TRIM21: variants seen among roughly 807,000 people sequenced by gnomAD.
TRIM21 encodes tripartite motif containing 21.
Under a neutral mutation model 36.1 loss-of-function variants are expected in TRIM21, and 35 were observed. The observed-to-expected ratio is 0.97, with a 90% CI of 0.74 to 1.28. The LOEUF is 1.28. TRIM21 is among the 50% of genes most tolerant of loss of function. The pLI, the probability that TRIM21 is intolerant of heterozygous loss-of-function variation, is 0.00. For missense variants in TRIM21, 635 were observed against 570.7 expected (o/e 1.11, Z -1.15); for synonymous variants, 256 against 211.5 (o/e 1.21, Z -1.83).
chr11:4,387,372 C>T (rs2094957393), intron 4 of TRIM21, among the ~76,000 whole-genome samples: 1 of 152,028 alleles, frequency 6.6e-6, no homozygotes, highest in Non-Finnish European at 1.5e-5. Flanking sequence ...GTCCAGAAAC[C>T]ACTCTATTCC....
In TRIM21 at chr11:4,389,670, T is replaced by A. The variant is rs2094960360; in HGVS notation, c.488A>T (p.Lys163Met). 4 of 1,613,946 alleles carry A rather than the reference T, an allele frequency of 2.5e-6. No individual in the cohort carries two copies. In the South Asian group the frequency reaches 4.4e-5, roughly 18 times the overall value. The change falls in exon 3 of 7, where the codon AAG (lysine) becomes ATG (methionine). Residue 163 changes from lysine (K) to methionine (M), a missense_variant. Lys to Met is a moderately conservative substitution (Grantham distance 95, BLOSUM62 -1). Coordinates refer to ENST00000254436, the MANE Select transcript of TRIM21 (RefSeq NM_003141.4). ...AEKLEVEIAI[K>M]RADWKKTVET... ...CATTCTTACCTTCCAGTCTGCTCTC[T>A]TTATTGCAATTTCCACTTCCAACTT...
At chr11:4,393,238 T>C (rs942637526) in intron 1 of TRIM21, among the ~76,000 whole-genome samples, 1 of 152,110 alleles carries the variant, frequency 6.6e-6, no homozygotes, top group African/African-American at 2.4e-5. Context: ...GACACTGGGC[T>C]CCCTACCCTC....
At chr11:4,386,102 C>T (rs937912562) in intron 6 of TRIM21, 55 bp downstream of exon 6, 45 of 1,540,044 alleles carry the variant, frequency 2.9e-5, no homozygotes, top group Non-Finnish European at 3.5e-5. Context: ...GGCTCCCTGA[C>T]CCTGGGATCT....
At position 4,389,801 on chromosome 11, in the gene TRIM21, G is replaced by A; in HGVS notation, c.409-52C>T. On this transcript the variant is annotated intron_variant, in intron 2 of 6. Coordinates refer to ENST00000254436, the MANE Select transcript of TRIM21 (RefSeq NM_003141.4). Reference sequence around the variant, plus strand: ...CCCCATGCAAACCAAGTAATAGGGTGGGGTAATCCTTGCAGCATTTTCTCA... The same window carrying A: ...CCCCATGCAAACCAAGTAATAGGGTAGGGTAATCCTTGCAGCATTTTCTCA... 3.2e-6 allele frequency: 5 copies of A among 1,563,918 alleles called. No individual in the cohort carries two copies. The South Asian group carries it at 4.4e-5, about 14-fold the overall frequency.
Position 4,385,327 on chromosome 11 carries a change from G to A in TRIM21, c.1386C>T (p.Leu462=). ...CTTGTGATCCAATATTCAGTGGACA[G>A]AGGGTTAGAGGGGCTGTGTTTTTTC... ...DGGKNTAPLT[L]CPLNIGSQGS... is the part of the protein sequence containing the mutation. Residue 462 remains leucine (L), a synonymous_variant, in exon 7 of 7, where the codon CTC becomes CTT. Transcript: ENST00000254436. The A allele has an allele frequency of 6.2e-7, 1 of 1,613,428 alleles. No homozygotes were observed. Among genetic ancestry groups the A allele is most frequent in the Non-Finnish European group, 8.5e-7 (1 of 1,179,854 alleles).
At chr11:4,388,618 C>T in intron 3 of TRIM21, 88 bp from the exon 4 acceptor site, 1 of 1,253,792 alleles carries the variant, frequency 8.0e-7, no homozygotes, top group Non-Finnish European at 1.1e-6. Context: ...TTCCTATCCC[C>T]AAGAGACTCC....
At position 4,385,627 on chromosome 11, in the gene TRIM21, A is replaced by G. The variant is rs112534094; in HGVS notation, c.1086T>C (p.Ser362=). Residue 362 remains serine (S), a synonymous_variant, in exon 7 of 7, where the codon TCT becomes TCC. Coordinates refer to ENST00000254436, the MANE Select transcript of TRIM21 (RefSeq NM_003141.4). ...GCAAAAAGTGCCCCTTCCTGCGCAC[A>G]GAGTCTCTGCAGACACCCAGGTCCC... is the stretch of plus-strand genomic sequence containing the variant. ...EAWDLGVCRD[S]VRRKGHFLLS... 11,882 of 1,612,784 alleles carry G rather than the reference A, an allele frequency of 7.4e-3. 57 individuals carry two copies. The highest frequency in any genetic ancestry group is 8.2e-3 in the Non-Finnish European group (9,728 of 1,179,248).
chr11:4,388,940 G>A (rs563912691), intron 3 of TRIM21, among the ~76,000 whole-genome samples: 37 of 152,170 alleles, frequency 2.4e-4, no homozygotes, highest in Admixed American at 1.2e-3. Context: ...CCAGGCTCAC[G>A]CCACCACCTC....
At chr11:4,389,548 CTA>C in intron 3 of TRIM21, 104 bp downstream of exon 3, 1 of 958,280 alleles carries the variant, frequency 1.0e-6, no homozygotes, top group Non-Finnish European at 1.7e-6. Context: ...CGGACCAACT[CTA>C]TCACTGCTCA....
rs1207611095 is a variant in TRIM21, at chr11:4,390,266, G to A, written c.144C>T (p.Gly48=). 4 of 1,613,936 alleles carry A rather than the reference G, an allele frequency of 2.5e-6. No homozygotes were observed. Among genetic ancestry groups the A allele is most frequent in the South Asian group, 1.1e-5 (1 of 91,086 alleles). ...GCTGCCGGCACACAGGACAGACGCT[G>A]CCCCCACCTTTCCCAACCTGAGAGA... ...ECISQVGKGG[G]SVCPVCRQRF... The change falls in exon 2 of 7, where the codon GGC becomes GGT. Residue 48 remains glycine, a synonymous_variant. Coordinates refer to ENST00000254436, the MANE Select transcript of TRIM21 (RefSeq NM_003141.4).
Position 4,385,385 on chromosome 11 carries a change from C to G in TRIM21, c.1328G>C (p.Arg443Pro). The G allele has an allele frequency of 6.2e-7, 1 of 1,613,680 alleles. No homozygotes were observed. The highest frequency in any genetic ancestry group is 8.5e-7 in the Non-Finnish European group (1 of 1,179,812). ...ATTGAAACCAGGACTGAAGAAGGGC[C>G]GCAGAGGTCCTGTAAAGGCACATTC... ...FSECAFTGPL[R>P]PFFSPGFNDG... is the part of the protein sequence containing the mutation. The change falls in exon 7 of 7, where the codon CGG becomes CCG. Residue 443 changes from arginine (R) to proline (P), a missense_variant. By Grantham distance (103) the Arg-to-Pro change is moderately radical. Transcript: ENST00000254436.
Position 4,385,246 on chromosome 11 carries a change from G to A in TRIM21, c.*39C>T, listed in dbSNP as rs368447545. ...GAGGCAGGGTTTGTGGCTGAGAAGC[G>A]GTGCCAATGGGGAGAGTGGCAGTGT... On this transcript the variant is annotated 3_prime_UTR_variant, in exon 7 of 7. Transcript: ENST00000254436. 6.4e-6 allele frequency: 10 copies of A among 1,551,232 alleles called. No homozygotes were observed. The highest frequency in any genetic ancestry group is 1.8e-5 in the Admixed American group (1 of 54,550).
chr11:4,389,615 C>G (rs1466379947), intron 3 of TRIM21, 39 bp downstream of exon 3: 6 of 1,571,672 alleles, frequency 3.8e-6, no homozygotes, highest in African/African-American at 1.4e-5. Context: ...CCCTGCCCAG[C>G]CTTCCAGCCT....
In TRIM21 at chr11:4,385,397, G is replaced by C. The variant is rs778184981; in HGVS notation, c.1316C>G (p.Thr439Arg). Reference protein sequence around the residue: ...LIYSFSECAFTGPLRPFFSPG... With the variant: ...LIYSFSECAFRGPLRPFFSPG... ...ACTGAAGAAGGGCCGCAGAGGTCCTGTAAAGGCACATTCAGAGAAGGAGTA... is the reference window on the plus strand; with the variant it reads ...ACTGAAGAAGGGCCGCAGAGGTCCTCTAAAGGCACATTCAGAGAAGGAGTA... The change falls in exon 7 of 7, where the codon ACA (threonine) becomes AGA (arginine). Residue 439 changes from threonine to arginine, a missense_variant. By Grantham distance (71) the Thr-to-Arg change is moderately conservative. Coordinates refer to ENST00000254436, the MANE Select transcript of TRIM21 (RefSeq NM_003141.4). 2 of 1,613,882 alleles carry C rather than the reference G, an allele frequency of 1.2e-6. No individual in the cohort carries two copies. The highest frequency in any genetic ancestry group is 2.2e-5 in the South Asian group (2 of 91,036).
rs753861438 is a variant in TRIM21 at position 4,386,263 on chromosome 11, G to A, written c.759-6C>T. 4 of 1,609,968 alleles carry A rather than the reference G, an allele frequency of 2.5e-6. No homozygotes were observed. The highest frequency in any genetic ancestry group is 1.1e-5 in the South Asian group (1 of 90,946). On this transcript the variant is annotated splice_region_variant and splice_polypyrimidine_tract_variant and intron_variant, in intron 5 of 6. Transcript: ENST00000254436. ...TCAGGTTCCAGGACTCACTCCTGGG[G>A]GAAAGAGAGTTTGAGACTCCTGTCT...
intron 4 of TRIM21, among the ~76,000 whole-genome samples, chr11:4,387,258 T>A (rs1187589968): frequency 7.4e-6 from 1 of 135,258 alleles, no homozygotes; most frequent in Non-Finnish European, 1.7e-5. Flanking sequence ...CCAGTTTTTT[T>A]TTTTTTTCCC....
At chr11:4,389,619 C>T (rs2094960280) in intron 3 of TRIM21, 35 bp downstream of exon 3, 1 of 1,586,300 alleles carries the variant, frequency 6.3e-7, no homozygotes, top group Non-Finnish European at 8.7e-7. Context: ...GCCCAGCCTT[C>T]CAGCCTAAGA....
Position 4,389,684 on chromosome 11 carries a change from C to T in TRIM21, c.474G>A (p.Val158=), listed in dbSNP as rs777871844. The change falls in exon 3 of 7, where the codon GTG becomes GTA. Residue 158 remains valine, a synonymous_variant. Coordinates refer to ENST00000254436, the MANE Select transcript of TRIM21 (RefSeq NM_003141.4). The part of the protein sequence containing the change: ...RKQELAEKLE[V]EIAIKRADWK... ...AGTCTGCTCTCTTTATTGCAATTTCCACTTCCAACTTCTCAGCCAACTCCT... is the reference window on the plus strand; with the variant it reads ...AGTCTGCTCTCTTTATTGCAATTTCTACTTCCAACTTCTCAGCCAACTCCT... 7 of 1,613,956 alleles carry T rather than the reference C, an allele frequency of 4.3e-6. No individual in the cohort carries two copies. Among genetic ancestry groups the T allele is most frequent in the Non-Finnish European group, 5.9e-6 (7 of 1,179,882 alleles).
chr11:4,386,885 T>C, intron 5 of TRIM21, 83 bp downstream of exon 5: 1 of 1,423,894 alleles, frequency 7.0e-7, no homozygotes, highest in Middle Eastern at 1.8e-4. Flanking sequence ...CTTCAGTGCA[T>C]GTACTTCTAA....
Sources: allele counts gnomAD v4.1 joint callset (sites outside exome capture counted in the v4.1 genomes callset), GRCh38; gene constraint gnomAD v4.1.1; transcripts MANE v1.5; gene names NCBI Gene and HGNC (gene_info 2026-07-23, HGNC 2026-07-21).